CTNNA3: variants seen among roughly 807,000 people sequenced by gnomAD.
CTNNA3 encodes catenin alpha 3.
A neutral mutation model predicts 95.7 loss-of-function variants in CTNNA3; 76 were observed. That is an observed-to-expected ratio of 0.79 (90% CI 0.66 to 0.96). The LOEUF (loss-of-function observed/expected upper bound fraction) is 0.96, where lower values mean the gene tolerates loss of function less well. Ranked by LOEUF, CTNNA3 falls within the 40% of genes least tolerant of loss-of-function variation. The probability of loss-of-function intolerance (pLI) is 0.00; values close to 1 mark genes in which losing one functional copy is unlikely to be tolerated. For missense variants in CTNNA3, 1,191 were observed against 1,089.8 expected (o/e 1.09, Z -1.31); for synonymous variants, 431 against 374.4 (o/e 1.15, Z -1.74).
chr10:66,459,175 A>G (rs1238186420), intron 11 of CTNNA3, among the ~76,000 whole-genome samples: 1 of 152,132 alleles, frequency 6.6e-6, no homozygotes, highest in African/African-American at 2.4e-5. Context: ...AATAGTACAT[A>G]TATGTTCTTT....
chr10:67,567,027 G>T (rs534057125), intron 3 of CTNNA3, among the ~76,000 whole-genome samples: 3 of 109,668 alleles, frequency 2.7e-5, no homozygotes, highest in Non-Finnish European at 5.4e-5. Flanking sequence ...GTTTTGGGGT[G>T]GGGGGAGGGG....
intron 7 of CTNNA3, among the ~76,000 whole-genome samples, chr10:66,821,717 C>T (rs1402871744): frequency 6.6e-6 from 1 of 152,164 alleles, no homozygotes; most frequent in Admixed American, 6.6e-5. Flanking sequence ...TGAACTTATA[C>T]AGGGTTAATT....
intron 1 of CTNNA3, among the ~76,000 whole-genome samples, chr10:67,720,039 C>T (rs578087109): frequency 7.3e-5 from 11 of 151,032 alleles, no homozygotes; most frequent in Admixed American, 3.3e-4. Context: ...GCATTGATCC[C>T]TTCACCATTA....
intron 5 of CTNNA3, among the ~76,000 whole-genome samples, chr10:67,328,490 C>T (rs1841645013): frequency 6.6e-6 from 1 of 152,244 alleles, no homozygotes; most frequent in Non-Finnish European, 1.5e-5. Flanking sequence ...CTGCCCCTAA[C>T]CCTTCTCTAA....
intron 5 of CTNNA3, among the ~76,000 whole-genome samples, chr10:67,442,489 C>G (rs1009402787): frequency 6.6e-6 from 1 of 151,850 alleles, no homozygotes; most frequent in Non-Finnish European, 1.5e-5. Flanking sequence ...TACAAAAATA[C>G]ACATAGACTG....
At chr10:67,636,600 G>A (rs1300429547) in intron 2 of CTNNA3, among the ~76,000 whole-genome samples, 1 of 152,160 alleles carries the variant, frequency 6.6e-6, no homozygotes. Context: ...ATAGTGCTGG[G>A]AGAACTGGCT....
chr10:66,556,378 T>C (rs1842389436), intron 10 of CTNNA3, among the ~76,000 whole-genome samples: 2 of 152,028 alleles, frequency 1.3e-5, no homozygotes, highest in South Asian at 4.1e-4. Flanking sequence ...TCCAAAGAAA[T>C]TGAAATCAGT....
At chr10:67,560,467 T>G (rs1841464996) in intron 3 of CTNNA3, among the ~76,000 whole-genome samples, 1 of 152,042 alleles carries the variant, frequency 6.6e-6, no homozygotes, top group African/African-American at 2.4e-5. Flanking sequence ...AGGCCTGCCC[T>G]AAAACAGCTC....
At chr10:67,581,891 GTAT>G (rs1325684222) in intron 3 of CTNNA3, among the ~76,000 whole-genome samples, 15 of 152,012 alleles carry the variant, frequency 9.9e-5, no homozygotes, top group African/African-American at 1.4e-4. Flanking sequence ...TATTTCTGTG[GTAT>G]CAATGATGAT....
intron 7 of CTNNA3, among the ~76,000 whole-genome samples, chr10:67,114,870 G>A (rs1859091089): frequency 6.6e-6 from 1 of 151,988 alleles, no homozygotes. Context: ...CTTGGCTTGG[G>A]TCTGAAGCAT....
intron 4 of CTNNA3, among the ~76,000 whole-genome samples, chr10:67,534,428 T>C (rs1033320726): frequency 5.9e-5 from 9 of 152,160 alleles, no homozygotes; most frequent in Admixed American, 1.3e-4. Flanking sequence ...AACTATTCTT[T>C]ACTGCATTCC....
intron 13 of CTNNA3, among the ~76,000 whole-genome samples, chr10:66,136,729 A>C (rs1042155065): frequency 2.6e-5 from 4 of 152,250 alleles, no homozygotes; most frequent in Non-Finnish European, 5.9e-5. Flanking sequence ...GTGTTGTATT[A>C]TCTCCATGAC....
intron 7 of CTNNA3, chr10:67,098,065 C>T (rs1005987751): frequency 3.7e-5 from 16 of 435,018 alleles, no homozygotes; most frequent in Non-Finnish European, 6.7e-5. Context: ...TTTCAAAACT[C>T]ATCCTACCTA....
intron 13 of CTNNA3, among the ~76,000 whole-genome samples, chr10:66,255,765 G>A (rs1382999206): frequency 6.6e-6 from 1 of 152,124 alleles, no homozygotes; most frequent in Non-Finnish European, 1.5e-5. Flanking sequence ...TGAAGATTTG[G>A]GAAAAATTCG....
At chr10:66,940,047 G>A (rs1180493056) in intron 7 of CTNNA3, among the ~76,000 whole-genome samples, 1 of 151,998 alleles carries the variant, frequency 6.6e-6, no homozygotes, top group Non-Finnish European at 1.5e-5. Context: ...AAGAGGAACA[G>A]TAAAATAAGT....
intron 5 of CTNNA3, among the ~76,000 whole-genome samples, chr10:67,359,186 C>T (rs1237127702): frequency 2.0e-5 from 3 of 150,676 alleles, no homozygotes; most frequent in African/African-American, 7.3e-5. Context: ...ACAGTCAAAC[C>T]CTCAAGTGAA....
chr10:66,794,459 A>G (rs1037580593), intron 7 of CTNNA3, among the ~76,000 whole-genome samples: 3 of 152,178 alleles, frequency 2.0e-5, no homozygotes, highest in Non-Finnish European at 4.4e-5. Context: ...TAAGTGTGCA[A>G]CAGCATTATA....
At chr10:67,580,496 C>T (rs574385252) in intron 3 of CTNNA3, among the ~76,000 whole-genome samples, 62 of 151,694 alleles carry the variant, frequency 4.1e-4, no homozygotes, top group Non-Finnish European at 8.5e-4. Context: ...TAGCATGATG[C>T]CTCCAGCTTT....
chr10:67,372,851 C>T (rs1843532139), intron 5 of CTNNA3, among the ~76,000 whole-genome samples: 2 of 152,096 alleles, frequency 1.3e-5, no homozygotes, highest in Non-Finnish European at 2.9e-5. Flanking sequence ...AATTTTCAAC[C>T]CAGAATTTCA....
Sources: allele counts gnomAD v4.1 joint callset (sites outside exome capture counted in the v4.1 genomes callset), GRCh38; gene constraint gnomAD v4.1.1; transcripts MANE v1.5; gene names NCBI Gene and HGNC (gene_info 2026-07-23, HGNC 2026-07-21).